Variants in CLCNKA observed in about 807,000 individuals in gnomAD.
CLCNKA encodes the protein chloride channel protein ClC-Ka.
A neutral mutation model predicts 83.3 loss-of-function variants in CLCNKA; 66 were observed. The ratio of observed to expected loss-of-function variants is 0.79; its 90% CI spans 0.65 to 0.97. The LOEUF is 0.97. CLCNKA is among the 50% of genes least tolerant of loss of function. The pLI is 0.00. For synonymous variants in CLCNKA, 357 were observed against 370.4 expected, an observed-to-expected ratio of 0.96 and a Z score of 0.42; for missense variants, 806 against 888.7, an observed-to-expected ratio of 0.91 and a Z score of 1.18.
chr1:16,023,065 C>G (rs2124015593), intron 2 of CLCNKA, among the ~76,000 whole-genome samples: 1 of 152,366 alleles, frequency 6.6e-6, no homozygotes. Context: ...GCTGGGGCAG[C>G]CTGCACTTGG....
Position 16,026,250 on chromosome 1 carries a change from A to G in CLCNKA, c.498+3A>G, listed in dbSNP as rs749462948. On this transcript the variant is annotated splice_donor_region_variant and intron_variant, in intron 5 of 19. Transcript: ENST00000331433. ...GCACCCTGTTCCTGGGCAAAGTGGT[A>G]TGGTCAGGTGTGAGGGCACCCCAGC... 19 of 1,613,580 alleles carry G rather than the reference A, an allele frequency of 1.2e-5. No individual in the cohort carries two copies. Among genetic ancestry groups the G allele is most frequent in the Non-Finnish European group, 1.5e-5 (18 of 1,180,008 alleles).
intron 15 of CLCNKA, among the ~76,000 whole-genome samples, chr1:16,031,498 G>A (rs2022623289): frequency 6.6e-6 from 1 of 152,182 alleles, no homozygotes. Context: ...CCAGGGGGTT[G>A]GGGATTTGGA....
chr1:16,031,367 T>C lies in CLCNKA; in HGVS notation c.1623-343T>C, dbSNP rs1288906990. Among the ~76,000 whole-genome samples the C allele has an allele frequency of 7.9e-5, 12 of 152,346 alleles. No homozygotes were observed. In the South Asian group the frequency reaches 2.5e-3, roughly 32 times the overall value. The stretch of plus-strand genomic sequence containing the variant: ...CTGGGTCTGTACTCCAATCTCATTA[T>C]TCATTAATGGATGGCCAGTCACTGA... On this transcript the variant is annotated intron_variant, in intron 15 of 19. Transcript: ENST00000331433.
intron 15 of CLCNKA, among the ~76,000 whole-genome samples, chr1:16,030,972 T>C (rs2022601390): frequency 6.6e-6 from 1 of 152,134 alleles, no homozygotes; most frequent in Non-Finnish European, 1.5e-5. Context: ...AGAGGTGCCG[T>C]GTCTTGCTCC....
At position 16,030,071 on chromosome 1, in the gene CLCNKA, G is replaced by A. The variant is rs2124048489; in HGVS notation, c.1404G>A (p.Leu468=). Residue 468 remains leucine (L), a synonymous_variant, in exon 14 of 20, where the codon CTG becomes CTA. Transcript: ENST00000331433. ...TNPIMPGGYA[L]AGAAAFSGAV... ...CCATCATGCCCGGGGGGTATGCTCT[G>A]GCAGGTGAGTGGGTCACGGCCCTGC... 1.9e-6 allele frequency: 3 copies of A among 1,603,022 alleles called. No homozygotes were observed. In the East Asian group the frequency reaches 6.7e-5, roughly 36 times the overall value.
rs774696588 is a variant in CLCNKA at position 16,033,234 on chromosome 1, T to C, written c.1994T>C (p.Val665Ala). 3.1e-6 allele frequency: 5 copies of C among 1,613,810 alleles called. No individual in the cohort carries two copies. Among genetic ancestry groups the C allele is most frequent in the Middle Eastern group, 1.6e-4 (1 of 6,082 alleles). The change falls in exon 19 of 20, where the codon GTG becomes GCG. Residue 665 changes from valine (V) to alanine (A), a missense_variant. By Grantham distance (64) the Val-to-Ala change is moderately conservative (BLOSUM62 0). Coordinates refer to ENST00000331433, the MANE Select transcript of CLCNKA (RefSeq NM_004070.4). Reference protein sequence around the residue: ...SLFVTSRGRAVGCVSWVEMKK... With the variant: ...SLFVTSRGRAAGCVSWVEMKK... ...TTCGTGACATCGCGGGGCAGAGCTG[T>C]GGGCTGCGTGTCCTGGGTGGAGGTA...
rs749379724 is a variant in CLCNKA, at chr1:16,029,236, G to T, written c.1164G>T (p.Trp388Cys). ...AGGAGCTCGACCCCCAGCACCTTTGGTGGGAATGGTACCACCCGCGGTTCA... is the reference window on the plus strand; with the variant it reads ...AGGAGCTCGACCCCCAGCACCTTTGTTGGGAATGGTACCACCCGCGGTTCA... ...WPEELDPQHLWWEWYHPRFTI... is the reference protein window; with the variant it reads ...WPEELDPQHLCWEWYHPRFTI... The change falls in exon 12 of 20, where the codon TGG becomes TGT. Residue 388 changes from tryptophan to cysteine, a missense_variant. Trp to Cys is a radical substitution (Grantham distance 215). Coordinates refer to ENST00000331433, the MANE Select transcript of CLCNKA (RefSeq NM_004070.4). The T allele has an allele frequency of 1.9e-6, 3 of 1,613,832 alleles. No individual in the cohort carries two copies. Among genetic ancestry groups the T allele is most frequent in the Non-Finnish European group, 2.5e-6 (3 of 1,179,946 alleles).
In CLCNKA at chr1:16,033,533, G is replaced by C. The variant is rs1570315480; in HGVS notation, c.2017-78G>C. On this transcript the variant is annotated intron_variant, in intron 19 of 19. Coordinates refer to ENST00000331433, the MANE Select transcript of CLCNKA (RefSeq NM_004070.4). ...CTATTCAGCCTGGAAATGAACCTTAGGGGACTAAAAATGCTGGAGCCCCCC... is the reference window on the plus strand; with the variant it reads ...CTATTCAGCCTGGAAATGAACCTTACGGGACTAAAAATGCTGGAGCCCCCC... 1.3e-5 allele frequency: 15 copies of C among 1,198,758 alleles called. No individual in the cohort carries two copies. In the East Asian group the frequency reaches 3.6e-4, roughly 28 times the overall value. 74.3% of individuals were successfully genotyped at this position (1,198,758 alleles called of 1,614,324 possible).
rs368024141 is a variant in CLCNKA, at chr1:16,028,711, G to C, written c.969-50G>C. On this transcript the variant is annotated intron_variant, in intron 10 of 19. Transcript: ENST00000331433. ...GACCAGGTCCTACTTCCCTCTCCTCGGGATGTAGGAAAGGGAGGGCCAGCC... is the reference window on the plus strand; with the variant it reads ...GACCAGGTCCTACTTCCCTCTCCTCCGGATGTAGGAAAGGGAGGGCCAGCC... 68 of 1,604,394 alleles carry C rather than the reference G, an allele frequency of 4.2e-5. 2 individuals carry two copies. The East Asian group carries it at 1.2e-3, about 28-fold the overall frequency.
chr1:16,024,136 C>A (rs1017100233), intron 3 of CLCNKA, among the ~76,000 whole-genome samples: 3 of 152,232 alleles, frequency 2.0e-5, no homozygotes, highest in Non-Finnish European at 4.4e-5. Context: ...GGAAGAGAGA[C>A]CTGAATATTC....
intron 15 of CLCNKA, 55 bp from the exon 16 acceptor site, chr1:16,031,655 G>T: frequency 6.2e-7 from 1 of 1,612,774 alleles, no homozygotes; most frequent in African/African-American, 1.3e-5. Context: ...CCCCTTGCTG[G>T]CCTGGGTCTG....
rs768254686 is a variant in CLCNKA, at chr1:16,026,725, T to C, written c.605T>C (p.Val202Ala). The C allele has an allele frequency of 6.2e-7, 1 of 1,613,756 alleles. No homozygotes were observed. The highest frequency in any genetic ancestry group is 8.5e-7 in the Non-Finnish European group (1 of 1,179,848). ...ENKSKQNEML[V>A]AAAAVGVATV... ...AAGAGCAAGCAAAACGAAATGCTGG[T>C]GGCAGCGGCGGCAGTGGGCGTGGCC... Residue 202 changes from valine (V) to alanine (A), a missense_variant, in exon 7 of 20, where the codon GTG becomes GCG. Val to Ala is a moderately conservative substitution (Grantham distance 64). Transcript: ENST00000331433.
Position 16,027,296 on chromosome 1 carries a change from A to T in CLCNKA, c.656-14A>T. 6.2e-7 allele frequency: 1 copy of T among 1,612,726 alleles called. No homozygotes were observed. The highest frequency in any genetic ancestry group is 8.5e-7 in the Non-Finnish European group (1 of 1,179,962). Reference sequence around the variant, plus strand: ...TGGGGGTGGGGGCCCACCTGACATCAGTGTCGCCCCCAGGCGTCCTGTTCA... The same window carrying T: ...TGGGGGTGGGGGCCCACCTGACATCTGTGTCGCCCCCAGGCGTCCTGTTCA... On this transcript the variant is annotated splice_polypyrimidine_tract_variant and intron_variant, in intron 7 of 19. Coordinates refer to ENST00000331433, the MANE Select transcript of CLCNKA (RefSeq NM_004070.4).
At chr1:16,028,636 A>T in intron 10 of CLCNKA, 125 bp from the exon 11 acceptor site, 1 of 1,200,630 alleles carries the variant, frequency 8.3e-7, no homozygotes, top group Non-Finnish European at 1.2e-6. Context: ...CCTCCTCACC[A>T]GTCCTTGCCT....
At position 16,033,745 on chromosome 1, in the gene CLCNKA, C is replaced by T; in HGVS notation, c.*87C>T. ...CCCTGCTTCTCTTCCCCCATCACCA[C>T]CTGCCCCTCCCTCCAGCCCAGCTCC... On this transcript the variant is annotated 3_prime_UTR_variant, in exon 20 of 20. Transcript: ENST00000331433. The T allele has an allele frequency of 7.9e-7, 1 of 1,258,384 alleles. No individual in the cohort carries two copies. The highest frequency in any genetic ancestry group is 1.2e-6 in the Non-Finnish European group (1 of 863,724). 78.0% of individuals were successfully genotyped at this position (1,258,384 alleles called of 1,614,324 possible). A position where few individuals can be genotyped will look rare whatever the true frequency, so the allele number is the denominator to read the frequency against.
chr1:16,033,152 T>G lies in CLCNKA; in HGVS notation c.1930-18T>G, dbSNP rs1477222211. 1 of 1,613,674 alleles carries G rather than the reference T, an allele frequency of 6.2e-7. No homozygotes were observed. On this transcript the variant is annotated intron_variant, in intron 18 of 19. Transcript: ENST00000331433. ...GCGCCATCTACCCTCCAGTGTTTCCTAACAATCCCCCATCCAGGCACAAAA... is the reference window on the plus strand; with the variant it reads ...GCGCCATCTACCCTCCAGTGTTTCCGAACAATCCCCCATCCAGGCACAAAA...
chr1:16,028,961 T>C, intron 11 of CLCNKA, 116 bp downstream of exon 11: 3 of 1,505,134 alleles, frequency 2.0e-6, no homozygotes, highest in South Asian at 1.1e-5. Flanking sequence ...GGCATCATTC[T>C]GCAGATAAGG....
In CLCNKA at chr1:16,022,737, T is replaced by C; in HGVS notation, c.100+18T>C. 1 of 1,496,910 alleles carries C rather than the reference T, an allele frequency of 6.7e-7. No individual in the cohort carries two copies. The highest frequency in any genetic ancestry group is 1.3e-5 in the South Asian group (1 of 75,218). 92.7% of individuals were successfully genotyped at this position (1,496,910 alleles called of 1,614,324 possible). On this transcript the variant is annotated intron_variant, in intron 2 of 19. Coordinates refer to ENST00000331433, the MANE Select transcript of CLCNKA (RefSeq NM_004070.4). Reference sequence around the variant, plus strand: ...CATCCAAGGTGAGAGCCAGGTCCTCTTCCCTACCCGCGGGGGACCACTCAG... The same window carrying C: ...CATCCAAGGTGAGAGCCAGGTCCTCCTCCCTACCCGCGGGGGACCACTCAG...
In CLCNKA at chr1:16,033,133, T is replaced by C. The variant is rs371559711; in HGVS notation, c.1930-37T>C. ...GGGCCAGAGGGTGGGCTGGGCGCCATCTACCCTCCAGTGTTTCCTAACAAT... is the reference window on the plus strand; with the variant it reads ...GGGCCAGAGGGTGGGCTGGGCGCCACCTACCCTCCAGTGTTTCCTAACAAT... On this transcript the variant is annotated intron_variant, in intron 18 of 19. Transcript: ENST00000331433. The C allele has an allele frequency of 2.5e-6, 4 of 1,604,260 alleles. No homozygotes were observed. The South Asian group carries it at 3.3e-5, about 13-fold the overall frequency.
Sources: gnomAD v4.1 joint callset for allele counts (sites outside exome capture counted in the v4.1 genomes callset) on GRCh38, gnomAD v4.1.1 for gene constraint, MANE v1.5 for transcripts, NCBI Gene and HGNC (gene_info 2026-07-23, HGNC 2026-07-21) for gene names.